Variants in C8orf76 observed in about 807,000 individuals in gnomAD.
C8orf76 encodes chromosome 8 open reading frame 76.
In C8orf76, 46 loss-of-function variants were observed where a neutral mutation model predicts 38.1. The ratio of observed to expected loss-of-function variants is 1.21; its 90% CI spans 0.95 to 1.54. C8orf76 has a LOEUF of 1.54. C8orf76 is among the 40% of genes most tolerant of loss of function. C8orf76 has a pLI of 0.00. For missense variants in C8orf76, 461 were observed against 441.6 expected, an observed-to-expected ratio of 1.04 and a Z score of -0.39; for synonymous variants, 166 against 167.5, an observed-to-expected ratio of 0.99 and a Z score of 0.07.
Position 123,239,034 on chromosome 8 carries a change from T to C in C8orf76, c.213+15A>G. On this transcript the variant is annotated intron_variant, in intron 2 of 5. Coordinates refer to ENST00000276704, the MANE Select transcript of C8orf76 (RefSeq NM_032847.3). ...AAACAAGAGCCCACTTCAAGCACCATATGTTGAATTCTACCTGATACTCTT... is the reference window on the plus strand; with the variant it reads ...AAACAAGAGCCCACTTCAAGCACCACATGTTGAATTCTACCTGATACTCTT... 6.2e-7 allele frequency: 1 copy of C among 1,613,304 alleles called. No homozygotes were observed. Among genetic ancestry groups the C allele is most frequent in the Non-Finnish European group, 8.5e-7 (1 of 1,179,306 alleles).
chr8:123,241,307 C>A lies in C8orf76; in HGVS notation c.40G>T (p.Asp14Tyr). 6.4e-7 allele frequency: 1 copy of A among 1,574,186 alleles called. No homozygotes were observed. ...GCWLFGGEFE[D>Y]SVFEERPERR... ...TCCGGCCTCTCCTCGAACACCGAGT[C>A]CTCGAACTCGCCGCCGAACAACCAG... is the stretch of plus-strand genomic sequence containing the variant. Residue 14 changes from aspartate to tyrosine, a missense_variant, in exon 1 of 6, where the codon GAC becomes TAC. Asp to Tyr is a radical substitution (Grantham distance 160). Transcript: ENST00000276704.
chr8:123,226,252 T>C, intron 5 of C8orf76: 1 of 1,348,110 alleles, frequency 7.4e-7, no homozygotes, highest in Non-Finnish European at 9.5e-7. Flanking sequence ...ATTGATGATG[T>C]TCAGGCAGGC....
At chr8:123,224,159 G>A (rs937596620) in intron 5 of C8orf76, among the ~76,000 whole-genome samples, 8 of 151,032 alleles carry the variant, frequency 5.3e-5, no homozygotes, top group African/African-American at 2.0e-4. Context: ...AGTTGTTATA[G>A]AATAAAAAAG....
In C8orf76 at chr8:123,225,924, C is replaced by CA. The variant is rs111443637; in HGVS notation, c.948+575dup. ...TGGGAGACAAAGCAAGACTCTGTCT[C>CA]AAAAAAAAAAAAAAGTTAATGAAGG... On this transcript the variant is annotated intron_variant, in intron 5 of 5. Transcript: ENST00000276704. Among the ~76,000 whole-genome samples the CA allele has an allele frequency of 6.6e-3, 760 of 114,658 alleles. 4 individuals carry two copies. Among genetic ancestry groups the CA allele is most frequent in the African/African-American group, 0.019 (606 of 31,498 alleles). The allele number at this position is 114,658 out of a possible 152,430, so 75.2% of individuals were successfully genotyped here.
At chr8:123,235,819 C>T (rs1825450652) in intron 3 of C8orf76, among the ~76,000 whole-genome samples, 1 of 151,736 alleles carries the variant, frequency 6.6e-6, no homozygotes, top group Non-Finnish European at 1.5e-5. Flanking sequence ...CTACCTTCAA[C>T]AATCAAAGAG....
Position 123,220,035 on chromosome 8 carries a change from C to A in C8orf76, c.*68G>T, listed in dbSNP as rs1357115342. The A allele has an allele frequency of 9.9e-6, 9 of 912,474 alleles. No homozygotes were observed. The highest frequency in any genetic ancestry group is 5.3e-5 in the Admixed American group (2 of 37,936). 56.5% of individuals were successfully genotyped at this position (912,474 alleles called of 1,614,324 possible). On this transcript the variant is annotated 3_prime_UTR_variant, in exon 6 of 6. Coordinates refer to ENST00000276704, the MANE Select transcript of C8orf76 (RefSeq NM_032847.3). ...TTATACTCCATGATTAGCAATGGAT[C>A]CTGTCTGAAGTAAACAAGGACAATT...
chr8:123,222,605 G>A (rs1824919128), intron 5 of C8orf76, among the ~76,000 whole-genome samples: 1 of 152,054 alleles, frequency 6.6e-6, no homozygotes, highest in Non-Finnish European at 1.5e-5. Flanking sequence ...CTAATATAGG[G>A]AGAACTCTTA....
chr8:123,221,788 C>T (rs1165619804), intron 5 of C8orf76, among the ~76,000 whole-genome samples: 2 of 151,986 alleles, frequency 1.3e-5, no homozygotes, highest in East Asian at 3.9e-4. Context: ...CAACTATAGT[C>T]CCAGCAACTA....
At position 123,237,925 on chromosome 8, in the gene C8orf76, T is replaced by A; in HGVS notation, c.230A>T (p.Tyr77Phe). Residue 77 changes from tyrosine (Y) to phenylalanine (F), a missense_variant, in exon 3 of 6, where the codon TAT becomes TTT. Coordinates refer to ENST00000276704, the MANE Select transcript of C8orf76 (RefSeq NM_032847.3). ...RQEYQKALQE[Y>F]SSISEKLSST... is the part of the protein sequence containing the mutation. Reference sequence around the variant, plus strand: ...TGACAATTTTTCAGAGATACTGGAATACTCCTGCAGTGCTTTCTGGAAATT... The same window carrying A: ...TGACAATTTTTCAGAGATACTGGAAAACTCCTGCAGTGCTTTCTGGAAATT... 9.3e-6 allele frequency: 15 copies of A among 1,613,716 alleles called. No individual in the cohort carries two copies. The highest frequency in any genetic ancestry group is 1.3e-5 in the Non-Finnish European group (15 of 1,179,866).
chr8:123,221,718 G>C (rs1824898728), intron 5 of C8orf76, among the ~76,000 whole-genome samples: 1 of 152,126 alleles, frequency 6.6e-6, no homozygotes, highest in Admixed American at 6.5e-5. Context: ...TTATAGATGT[G>C]AATGAACCAC....
chr8:123,234,732 G>C (rs1586808989), intron 3 of C8orf76, among the ~76,000 whole-genome samples: 1 of 152,038 alleles, frequency 6.6e-6, no homozygotes, highest in East Asian at 1.9e-4. Context: ...TCGCGCCACT[G>C]CACTCCAGCC....
intron 3 of C8orf76, 69 bp downstream of exon 3, chr8:123,237,729 T>C (rs1352028159): frequency 6.6e-7 from 1 of 1,507,570 alleles, no homozygotes; most frequent in Non-Finnish European, 8.9e-7. Context: ...TTTGTTTTGT[T>C]TTCAAAAAAT....
intron 4 of C8orf76, among the ~76,000 whole-genome samples, chr8:123,228,386 C>T (rs1228418279): frequency 2.0e-5 from 3 of 152,008 alleles, no homozygotes; most frequent in East Asian, 1.9e-4. Flanking sequence ...TTTGGGAGGC[C>T]GAGGCCAGTG....
chr8:123,226,739 A>G (rs111508752), intron 4 of C8orf76, 107 bp from the exon 5 acceptor site: 1 of 1,454,586 alleles, frequency 6.9e-7, no homozygotes. Flanking sequence ...GTCGGCTGCA[A>G]GTCCCACCAG....
intron 3 of C8orf76, chr8:123,237,154 G>C: frequency 3.8e-6 from 3 of 780,272 alleles, no homozygotes; most frequent in Non-Finnish European, 6.8e-6. Flanking sequence ...ACCACCCCGT[G>C]CTGTCAACTC....
chr8:123,239,283 C>G (rs182477788), intron 1 of C8orf76, 139 bp from the exon 2 acceptor site: 105 of 858,902 alleles, frequency 1.2e-4, no homozygotes, highest in Non-Finnish European at 1.7e-4. Flanking sequence ...GTCTTGAACT[C>G]CTGAGCACAA....
chr8:123,237,178 G>A (rs1825526201), intron 3 of C8orf76: 3 of 704,636 alleles, frequency 4.3e-6, no homozygotes, highest in Non-Finnish European at 2.6e-6. Context: ...CAAGAAGCGC[G>A]GCCACACCAA....
intron 4 of C8orf76, 21 bp downstream of exon 4, chr8:123,231,275 GTTGC>G (rs1289864829): frequency 1.3e-6 from 2 of 1,579,268 alleles, no homozygotes; most frequent in Non-Finnish European, 1.7e-6. Context: ...ATTACCAAGC[GTTGC>G]TTAAGTGACT....
chr8:123,241,161 CG>C, intron 1 of C8orf76, 68 bp downstream of exon 1: 1 of 1,454,440 alleles, frequency 6.9e-7, no homozygotes, highest in Non-Finnish European at 9.0e-7. Flanking sequence ...GGGCCGAGGC[CG>C]GGGCCGGGGC....
Sources: allele counts gnomAD v4.1 joint callset (sites outside exome capture counted in the v4.1 genomes callset), GRCh38; gene constraint gnomAD v4.1.1; transcripts MANE v1.5; gene names NCBI Gene and HGNC (gene_info 2026-07-23, HGNC 2026-07-21).